EIF3J: variants seen among roughly 807,000 people sequenced by gnomAD.
EIF3J encodes eukaryotic translation initiation factor 3 subunit J, also known as eukaryotic translation initiation factor 3, subunit 1 (alpha, 35kD).
A neutral mutation model predicts 39.0 loss-of-function variants in EIF3J; 15 were observed. That is an observed-to-expected ratio of 0.38 (90% CI 0.26 to 0.59). EIF3J has a LOEUF of 0.59. EIF3J is among the 20% of genes least tolerant of loss of function. The pLI is 0.60. For synonymous variants in EIF3J, 98 were observed against 112.9 expected, an observed-to-expected ratio of 0.87 and a Z score of 0.84; for missense variants, 226 against 308.6, an observed-to-expected ratio of 0.73 and a Z score of 2.00.
chr15:44,551,368 C>G lies in EIF3J; in HGVS notation c.203-63C>G, dbSNP rs1006545011. 50 of 1,057,412 alleles carry G rather than the reference C, an allele frequency of 4.7e-5. 1 individual carries two copies. The South Asian group carries it at 6.3e-4, about 13-fold the overall frequency. 65.5% of individuals were successfully genotyped at this position (1,057,412 alleles called of 1,614,324 possible). ...TCTTAATAGTATACAAGTATCATGT[C>G]TGTCTCATCCATAAACTGGAAAATA... On this transcript the variant is annotated intron_variant, in intron 3 of 7. Coordinates refer to ENST00000261868, the MANE Select transcript of EIF3J (RefSeq NM_003758.4).
At chr15:44,544,727 T>A (rs370556189) in intron 2 of EIF3J, among the ~76,000 whole-genome samples, 1,171 of 79,516 alleles carry the variant, frequency 0.015, 21 homozygotes, top group African/African-American at 0.052. Flanking sequence ...AAAAAAAAGG[T>A]GGGAGGGGCC....
In EIF3J at chr15:44,557,500, G is replaced by T; in HGVS notation, c.421G>T (p.Ala141Ser). 1 of 1,522,490 alleles carries T rather than the reference G, an allele frequency of 6.6e-7. No individual in the cohort carries two copies. The highest frequency in any genetic ancestry group is 8.8e-7 in the Non-Finnish European group (1 of 1,141,468). 94.3% of individuals were successfully genotyped at this position (1,522,490 alleles called of 1,614,324 possible). A position where few individuals can be genotyped will look rare whatever the true frequency, so the allele number is the denominator to read the frequency against. The part of the protein sequence containing the change: ...LAKETFGVNN[A>S]VYGIDAMNPS... ...CTTTTCTCCTACAGGTGTTAATAAT[G>T]CAGTTTATGGAATAGATGCTATGAA... Residue 141 changes from alanine to serine, a missense_variant, in exon 6 of 8, where the codon GCA (alanine) becomes TCA (serine). Physicochemically the swap from Ala to Ser is moderately conservative, Grantham distance 99. This residue lies in a region of EIF3J where 83 missense variants were observed against 152.6 expected (regional missense o/e 0.54). Transcript: ENST00000261868.
chr15:44,545,148 C>T (rs540552857), intron 2 of EIF3J, among the ~76,000 whole-genome samples: 1 of 152,126 alleles, frequency 6.6e-6, no homozygotes, highest in African/African-American at 2.4e-5. Flanking sequence ...AGGAGAGGGA[C>T]TTAGTTCCCA....
chr15:44,553,352 C>T (rs1200503687), intron 4 of EIF3J, among the ~76,000 whole-genome samples: 5 of 151,952 alleles, frequency 3.3e-5, no homozygotes, highest in East Asian at 3.9e-4. Flanking sequence ...ATTAGACGGG[C>T]GTGGTGGCGG....
chr15:44,557,293 T>C (rs2082152448), intron 5 of EIF3J, among the ~76,000 whole-genome samples, 196 bp from the exon 6 acceptor site: 1 of 152,144 alleles, frequency 6.6e-6, no homozygotes, highest in Admixed American at 6.5e-5. Flanking sequence ...GATGTAACTT[T>C]TTTTCTGATT....
At position 44,554,649 on chromosome 15, in the gene EIF3J, T is replaced by C. The variant is rs2082130142; in HGVS notation, c.391T>C (p.Leu131=). 1.2e-6 allele frequency: 2 copies of C among 1,610,944 alleles called. No homozygotes were observed. The highest frequency in any genetic ancestry group is 1.7e-6 in the Non-Finnish European group (2 of 1,178,596). The change falls in exon 5 of 8, where the codon TTA becomes CTA. Residue 131 remains leucine, a synonymous_variant. Coordinates refer to ENST00000261868, the MANE Select transcript of EIF3J (RefSeq NM_003758.4). ...KKLQEESDLE[L]AKETFGVNNA... is the part of the protein sequence containing the mutation. Reference sequence around the variant, plus strand: ...ATTACAGGAAGAGTCAGACCTCGAATTAGCAAAGGAAACTTTTGGTAAGAC... The same window carrying C: ...ATTACAGGAAGAGTCAGACCTCGAACTAGCAAAGGAAACTTTTGGTAAGAC...
intron 6 of EIF3J, 21 bp from the exon 7 acceptor site, chr15:44,560,228 G>T (rs554501486): frequency 6.3e-7 from 1 of 1,591,864 alleles, no homozygotes; most frequent in Non-Finnish European, 8.5e-7. Context: ...AAGTTTAATG[G>T]TATGCCCTTT....
In EIF3J at chr15:44,562,361, C is replaced by T. The variant is rs1181572527; in HGVS notation, c.*1212C>T. On this transcript the variant is annotated 3_prime_UTR_variant, in exon 8 of 8. Transcript: ENST00000261868. ...TATAAGAACTATTTATTTGGAGTAA[C>T]TGAGCCTGTAACTCAGGTTTATGGC... The T allele has an allele frequency of 6.6e-6, 1 of 152,584 alleles. No individual in the cohort carries two copies. The highest frequency in any genetic ancestry group is 1.5e-5 in the Non-Finnish European group (1 of 68,028). 9.5% of individuals were successfully genotyped at this position (152,584 alleles called of 1,614,324 possible).
At chr15:44,550,665 A>C in intron 2 of EIF3J, 2 of 436,962 alleles carry the variant, frequency 4.6e-6, no homozygotes, top group Non-Finnish European at 8.3e-6. Flanking sequence ...AAGGTACAAA[A>C]ATGTACTTGA....
At chr15:44,537,984 C>T (rs1025467701) in intron 2 of EIF3J, among the ~76,000 whole-genome samples, 3 of 152,166 alleles carry the variant, frequency 2.0e-5, no homozygotes, top group African/African-American at 7.2e-5. Context: ...GCTCTCCCTT[C>T]CCCCACCCTG....
intron 2 of EIF3J, among the ~76,000 whole-genome samples, chr15:44,549,622 C>T (rs1459440640): frequency 1.3e-5 from 2 of 151,700 alleles, no homozygotes; most frequent in African/African-American, 2.4e-5. Context: ...ACAAAATTAG[C>T]CAGGCATGGT....
chr15:44,542,437 CAA>C (rs1187779825), intron 2 of EIF3J, among the ~76,000 whole-genome samples: 2 of 152,090 alleles, frequency 1.3e-5, no homozygotes, highest in African/African-American at 4.8e-5. Context: ...TGCTATAGGG[CAA>C]AAGAGTTTTA....
chr15:44,548,020 C>T (rs1325790930), intron 2 of EIF3J, among the ~76,000 whole-genome samples: 1 of 151,964 alleles, frequency 6.6e-6, no homozygotes, highest in East Asian at 1.9e-4. Flanking sequence ...TATGAGGGTT[C>T]ATATGGAAAA....
intron 5 of EIF3J, among the ~76,000 whole-genome samples, chr15:44,555,858 A>G (rs1465643179): frequency 6.6e-6 from 1 of 151,944 alleles, no homozygotes; most frequent in Non-Finnish European, 1.5e-5. Flanking sequence ...AAACTCATCT[A>G]GGCCAGATTT....
intron 4 of EIF3J, among the ~76,000 whole-genome samples, chr15:44,553,314 A>AAG (rs2082116186): frequency 6.6e-6 from 1 of 151,780 alleles, no homozygotes; most frequent in Admixed American, 6.6e-5. Context: ...AACACGGTGA[A>AAG]ACCCCGTCTC....
chr15:44,542,271 T>A (rs958264980), intron 2 of EIF3J, among the ~76,000 whole-genome samples: 9 of 152,190 alleles, frequency 5.9e-5, no homozygotes, highest in African/African-American at 2.2e-4. Context: ...CTTGCCAAGA[T>A]CTCGTTGCAC....
intron 2 of EIF3J, among the ~76,000 whole-genome samples, chr15:44,547,539 T>C (rs1242114587): frequency 2.2e-5 from 3 of 139,058 alleles, no homozygotes; most frequent in African/African-American, 8.0e-5. Flanking sequence ...AACCTCCCAC[T>C]CCTGGGTTCA....
At chr15:44,539,657 C>A (rs911643633) in intron 2 of EIF3J, among the ~76,000 whole-genome samples, 4 of 152,014 alleles carry the variant, frequency 2.6e-5, no homozygotes, top group Non-Finnish European at 4.4e-5. Flanking sequence ...GCCTTGGCCT[C>A]CCAAAGTGCT....
rs566861416 is a variant in EIF3J at position 44,552,656 on chromosome 15, G to T, written c.294+1134G>T. ...CTTGGCTCACTGCAACCTTCTCCCG[G>T]GTTCAAGTGATTCTCCTGCCTCAGT... On this transcript the variant is annotated intron_variant, in intron 4 of 7. Transcript: ENST00000261868. Among the ~76,000 whole-genome samples, 3 of 152,112 alleles carry T rather than the reference G, an allele frequency of 2.0e-5. No homozygotes were observed. In the East Asian group the frequency reaches 5.8e-4, roughly 29 times the overall value.
Sources: gnomAD v4.1 joint callset for allele counts (sites outside exome capture counted in the v4.1 genomes callset) on GRCh38, gnomAD v4.1.1 for gene constraint, gnomAD v4.1.1 regional missense constraint, MANE v1.5 for transcripts, NCBI Gene and HGNC (gene_info 2026-07-23, HGNC 2026-07-21) for gene names.